The following MTM1 variants were observed in gnomAD, a reference collection of about 807,000 sequenced individuals.
The protein encoded by MTM1 is myotubularin.
A neutral mutation model predicts 52.1 loss-of-function variants in MTM1; 9 were observed. That is an observed-to-expected ratio of 0.17 (90% CI 0.10 to 0.30). MTM1 has a LOEUF of 0.30. Ranked by LOEUF, MTM1 falls within the 10% of genes least tolerant of loss-of-function variation. The pLI, the probability that MTM1 is intolerant of heterozygous loss-of-function variation, is 1.00. For synonymous variants in MTM1, 136 were observed against 163.8 expected, an observed-to-expected ratio of 0.83 and a Z score of 1.29; for missense variants, 277 against 470.7, an observed-to-expected ratio of 0.59 and a Z score of 3.81.
chrX:150,593,628 C>T (rs2038925051), intron 2 of MTM1, among the ~76,000 whole-genome samples: 1 of 111,779 alleles, frequency 8.9e-6, no homozygotes, highest in South Asian at 3.7e-4. Flanking sequence ...GTGATCTTTT[C>T]ATTGGTATTT....
chrX:150,671,281 G>A (rs1442471491), intron 14 of MTM1, 147 bp from the exon 15 acceptor site: 8 of 614,271 alleles, frequency 1.3e-5, no homozygotes, highest in African/African-American at 2.2e-5. Context: ...GTGTCAATGA[G>A]GCAGTAGTTA....
Position 150,598,686 on chromosome X carries a change from G to A in MTM1, c.231G>A (p.Thr77=), listed in dbSNP as rs2039020173. 2 of 1,123,994 alleles carry A rather than the reference G, an allele frequency of 1.8e-6. No homozygotes were observed. Among genetic ancestry groups the A allele is most frequent in the Non-Finnish European group, 2.4e-6 (2 of 816,749 alleles). The allele number at this position is 1,123,994 out of a possible 1,213,427, so 92.6% of individuals were successfully genotyped here. A position where few individuals can be genotyped will look rare whatever the true frequency, so the allele number is the denominator to read the frequency against. ...GTCTTTATTTAAGAAGTTTGGAAAC[G>A]GTAAGTAGAATATAAGACCATAAAG... ...NYRLYLRSLE[T]DSSLILDVPL... The change falls in exon 4 of 15, where the codon ACG becomes ACA. Residue 77 remains threonine, a splice_region_variant and synonymous_variant. Coordinates refer to ENST00000370396, the MANE Select transcript of MTM1 (RefSeq NM_000252.3).
At chrX:150,605,463 T>C (rs926037) in intron 4 of MTM1, among the ~76,000 whole-genome samples, 41,517 of 111,450 alleles carry the variant, frequency 0.37, 6,739 homozygotes, top group East Asian at 0.68. Context: ...GTTGTTTGGC[T>C]TTTCTCTAAA....
chrX:150,609,431 C>T lies in MTM1; in HGVS notation c.232-5158C>T, dbSNP rs192230658. Among the ~76,000 whole-genome samples the T allele has an allele frequency of 4.5e-5, 5 of 111,201 alleles. No homozygotes were observed. In the East Asian group the frequency reaches 1.4e-3, roughly 32 times the overall value. On this transcript the variant is annotated intron_variant, in intron 4 of 14. Transcript: ENST00000370396. Reference sequence around the variant, plus strand: ...GGGTGACTTCTAGGTTTCTAGCTTTCGTAACCAGCCACTGAGATAGGGAAC... The same window carrying T: ...GGGTGACTTCTAGGTTTCTAGCTTTTGTAACCAGCCACTGAGATAGGGAAC...
chrX:150,569,924 A>G (rs782282897), intron 1 of MTM1, among the ~76,000 whole-genome samples: 11 of 112,017 alleles, frequency 9.8e-5, no homozygotes, highest in African/African-American at 3.6e-4. Context: ...CACAAAATCA[A>G]ATCTACTTTT....
intron 6 of MTM1, among the ~76,000 whole-genome samples, chrX:150,636,197 A>T (rs139823174): frequency 0.012 from 1,377 of 111,644 alleles, 22 homozygotes; most frequent in African/African-American, 0.043. Flanking sequence ...CAGAGAGTCC[A>T]TCTGATGTGT....
chrX:150,564,048 C>T (rs2038233173), upstream of MTM1, among the ~76,000 whole-genome samples: 1 of 111,523 alleles, frequency 9.0e-6, no homozygotes, highest in African/African-American at 3.3e-5. Flanking sequence ...TATCAATCAC[C>T]CCCAAAACTT....
rs1018636546 is a variant in MTM1 at position 150,646,660 on chromosome X, C to T, written c.867+789C>T. Among the ~76,000 whole-genome samples the T allele has an allele frequency of 6.5e-4, 73 of 112,902 alleles. 1 individual carries two copies. The highest frequency in any genetic ancestry group is 4.5e-4 in the Non-Finnish European group (24 of 53,400). ...CTCACGAGGGGCCTGCCCCAAATTG[C>T]TCACTCCCATTCCAGCTTTCAGATT... On this transcript the variant is annotated intron_variant, in intron 9 of 14. Transcript: ENST00000370396.
At chrX:150,598,981 G>A (rs1324240975) in intron 4 of MTM1, among the ~76,000 whole-genome samples, 1 of 112,045 alleles carries the variant, frequency 8.9e-6, no homozygotes, top group African/African-American at 3.3e-5. Context: ...TTTGCCAGAA[G>A]CACATATGAA....
chrX:150,570,175 A>G (rs2038342931), intron 1 of MTM1, among the ~76,000 whole-genome samples: 1 of 111,780 alleles, frequency 8.9e-6, no homozygotes, highest in Non-Finnish European at 1.9e-5. Context: ...GAAGACAGCA[A>G]AGAGCCCCAC....
intron 2 of MTM1, among the ~76,000 whole-genome samples, chrX:150,594,365 C>T (rs1557412561): frequency 9.0e-6 from 1 of 111,477 alleles, no homozygotes. Context: ...CTGCCTTAGC[C>T]TCCCAAATTG....
chrX:150,568,561 T>TGGCCGGGGGCGGGCA (rs1156717904), upstream of MTM1: 2 of 112,633 alleles, frequency 1.8e-5, no homozygotes, highest in African/African-American at 6.4e-5. Flanking sequence ...CAGCGGGCGG[T>TGGCCGGGGGCGGGCA]GGCCGGGGGC....
At chrX:150,564,769 C>T (rs1321130416), upstream of MTM1, among the ~76,000 whole-genome samples, 6 of 112,070 alleles carry the variant, frequency 5.4e-5, no homozygotes, top group East Asian at 1.7e-3. Flanking sequence ...GGATAAATAC[C>T]TAGGAATAGT....
At chrX:150,597,728 C>T (rs185163956) in intron 3 of MTM1, among the ~76,000 whole-genome samples, 1 of 111,333 alleles carries the variant, frequency 9.0e-6, no homozygotes, top group African/African-American at 3.3e-5. Context: ...ACTATTCTTT[C>T]GGCCACCTGT....
chrX:150,617,375 A>G (rs2039403663), intron 5 of MTM1, among the ~76,000 whole-genome samples: 1 of 112,077 alleles, frequency 8.9e-6, no homozygotes, highest in Admixed American at 9.4e-5. Flanking sequence ...GGCTGGTCGT[A>G]AACCCTTGTA....
intron 14 of MTM1, among the ~76,000 whole-genome samples, chrX:150,669,738 A>G (rs1326911346): frequency 8.9e-6 from 1 of 111,931 alleles, no homozygotes; most frequent in Non-Finnish European, 1.9e-5. Flanking sequence ...ATTTTTATAA[A>G]TATGTTTAAG....
the MTM1 span, among the ~76,000 whole-genome samples, chrX:150,563,363 G>A: frequency 1.1e-5 from 1 of 89,272 alleles, no homozygotes; most frequent in Admixed American, 1.4e-4. Context: ...CACCCAGGCT[G>A]GAGTGCAGTG....
At chrX:150,601,738 C>T (rs1031390001) in intron 4 of MTM1, among the ~76,000 whole-genome samples, 18 of 112,238 alleles carry the variant, frequency 1.6e-4, no homozygotes, top group Admixed American at 1.9e-4. Flanking sequence ...CCAGCGTGTT[C>T]GTCCTTAGAG....
intron 1 of MTM1, among the ~76,000 whole-genome samples, chrX:150,587,506 CAT>C (rs2038810632): frequency 8.9e-6 from 1 of 111,776 alleles, no homozygotes; most frequent in South Asian, 3.7e-4. Flanking sequence ...TTTTGCAGAT[CAT>C]AGTTTATTTT....
Sources: gnomAD v4.1 joint callset for allele counts (sites outside exome capture counted in the v4.1 genomes callset) on GRCh38, gnomAD v4.1.1 for gene constraint, MANE v1.5 for transcripts, NCBI Gene and HGNC (gene_info 2026-07-23, HGNC 2026-07-21) for gene names.